ZCCHC7: variants seen among roughly 807,000 people sequenced by gnomAD.
ZCCHC7 encodes zinc finger CCHC-type containing 7.
ZCCHC7 carries 35 observed loss-of-function variants against 52.0 expected under a neutral mutation model. The observed-to-expected ratio is 0.67, with a 90% CI of 0.51 to 0.89. ZCCHC7 has a LOEUF of 0.89. ZCCHC7 is among the 40% of genes least tolerant of loss of function. The pLI is 0.00. For synonymous variants in ZCCHC7, 217 were observed against 221.5 expected, an observed-to-expected ratio of 0.98 and a Z score of 0.18; for missense variants, 574 against 649.1, an observed-to-expected ratio of 0.88 and a Z score of 1.26.
At position 37,306,762 on chromosome 9, in the gene ZCCHC7, C is replaced by CTTTTTTTTTTTTT. The variant is rs869292704; in HGVS notation, c.951+1078_951+1090dup. Among the ~76,000 whole-genome samples, 9 of 52,034 alleles carry CTTTTTTTTTTTTT rather than the reference C, an allele frequency of 1.7e-4. 1 individual carries two copies. The highest frequency in any genetic ancestry group is 6.9e-4 in the East Asian group (1 of 1,458). The allele number at this position is 52,034 out of a possible 152,430, so 34.1% of individuals were successfully genotyped here. ...ACAGGCATGAGCCACTGTACCCGAC[C>CTTTTTTTTTTTTT]TTTTTTTTTTTTTTTTTTTTTTTTT... On this transcript the variant is annotated intron_variant, in intron 5 of 8. Coordinates refer to ENST00000336755, the MANE Select transcript of ZCCHC7 (RefSeq NM_032226.3).
chr9:37,198,760 G>A (rs1823426257), intron 2 of ZCCHC7, among the ~76,000 whole-genome samples: 1 of 152,146 alleles, frequency 6.6e-6, no homozygotes, highest in South Asian at 2.1e-4. Flanking sequence ...AAGAGGTAGA[G>A]GAGGAGATAA....
chr9:37,194,061 A>G (rs1168653094), intron 2 of ZCCHC7, among the ~76,000 whole-genome samples: 2 of 152,234 alleles, frequency 1.3e-5, no homozygotes, highest in African/African-American at 4.8e-5. Context: ...TAACTTGCCT[A>G]TCCCACACAA....
chr9:37,351,157 G>T (rs1287360231), intron 7 of ZCCHC7, among the ~76,000 whole-genome samples: 2 of 152,082 alleles, frequency 1.3e-5, no homozygotes, highest in Non-Finnish European at 2.9e-5. Context: ...CAACCGTGGG[G>T]GTGAGACATA....
At chr9:37,226,506 T>C (rs1825111726) in intron 2 of ZCCHC7, among the ~76,000 whole-genome samples, 1 of 152,188 alleles carries the variant, frequency 6.6e-6, no homozygotes. Context: ...AGGATAGTAT[T>C]GTGAAGATTA....
chr9:37,299,683 G>A (rs1828943554), intron 2 of ZCCHC7, among the ~76,000 whole-genome samples: 1 of 152,204 alleles, frequency 6.6e-6, no homozygotes, highest in African/African-American at 2.4e-5. Flanking sequence ...GAACCTTGGA[G>A]CCATGGCAGG....
At chr9:37,202,885 A>G (rs768398101) in intron 2 of ZCCHC7, among the ~76,000 whole-genome samples, 9 of 152,260 alleles carry the variant, frequency 5.9e-5, no homozygotes, top group Non-Finnish European at 1.3e-4. Context: ...ATTTTTAGGA[A>G]AGTAACTTGT....
intron 2 of ZCCHC7, among the ~76,000 whole-genome samples, chr9:37,151,659 G>T (rs1012178105): frequency 6.6e-6 from 1 of 152,022 alleles, no homozygotes; most frequent in African/African-American, 2.4e-5. Flanking sequence ...ACAAAAATTA[G>T]CCTGACGTGG....
At chr9:37,229,309 G>T (rs1825283379) in intron 2 of ZCCHC7, among the ~76,000 whole-genome samples, 2 of 152,032 alleles carry the variant, frequency 1.3e-5, no homozygotes, top group African/African-American at 4.8e-5. Context: ...AATAAAATGG[G>T]CAACTTTTTA....
intron 2 of ZCCHC7, among the ~76,000 whole-genome samples, chr9:37,248,608 G>A (rs1280557953): frequency 1.3e-5 from 2 of 152,166 alleles, no homozygotes; most frequent in African/African-American, 2.4e-5. Flanking sequence ...GAAAGGCAGT[G>A]AAAAGGCCTG....
chr9:37,173,170 AC>A (rs1821836090), intron 2 of ZCCHC7, among the ~76,000 whole-genome samples: 1 of 152,220 alleles, frequency 6.6e-6, no homozygotes, highest in South Asian at 2.1e-4. Context: ...GTGGGCATGC[AC>A]TAGGGACTTG....
At chr9:37,194,284 A>C (rs1823170354) in intron 2 of ZCCHC7, among the ~76,000 whole-genome samples, 1 of 152,194 alleles carries the variant, frequency 6.6e-6, no homozygotes, top group Non-Finnish European at 1.5e-5. Flanking sequence ...TGGTGATTTA[A>C]GAGATGATAC....
At chr9:37,181,875 G>T (rs1425568231) in intron 2 of ZCCHC7, among the ~76,000 whole-genome samples, 1 of 152,076 alleles carries the variant, frequency 6.6e-6, no homozygotes, top group Non-Finnish European at 1.5e-5. Context: ...ATTTGAGATG[G>T]AGTCTTGCTG....
chr9:37,337,891 C>T (rs1199778206), intron 6 of ZCCHC7, among the ~76,000 whole-genome samples: 1 of 152,098 alleles, frequency 6.6e-6, no homozygotes, highest in African/African-American at 2.4e-5. Context: ...TGCTAACTTA[C>T]TTTAAAATTA....
At chr9:37,212,168 A>C (rs942635251) in intron 2 of ZCCHC7, among the ~76,000 whole-genome samples, 13 of 144,966 alleles carry the variant, frequency 9.0e-5, no homozygotes, top group Non-Finnish European at 1.5e-4. Flanking sequence ...GCAGCTGGGG[A>C]GGCGGAGGAG....
intron 2 of ZCCHC7, among the ~76,000 whole-genome samples, chr9:37,256,744 T>C (rs1163071606): frequency 2.0e-5 from 3 of 152,210 alleles, no homozygotes; most frequent in African/African-American, 7.2e-5. Context: ...TTTCATTTAC[T>C]GTCCAAGAGA....
intron 2 of ZCCHC7, among the ~76,000 whole-genome samples, chr9:37,235,465 CCTTTCCTTCCTTCCTTT>C (rs1472845004): frequency 5.3e-5 from 8 of 150,238 alleles, no homozygotes; most frequent in African/African-American, 9.8e-5. Flanking sequence ...TTCTTTCCTT[CCTTTCCTTCCTTCCTTT>C]CTTTCCTTCC....
chr9:37,142,064 G>C (rs2132776669), intron 2 of ZCCHC7, among the ~76,000 whole-genome samples: 1 of 151,816 alleles, frequency 6.6e-6, no homozygotes, highest in South Asian at 2.1e-4. Flanking sequence ...CTGTTTTACA[G>C]TTGTTTTGTG....
At chr9:37,196,958 T>C (rs1331435731) in intron 2 of ZCCHC7, among the ~76,000 whole-genome samples, 1 of 152,190 alleles carries the variant, frequency 6.6e-6, no homozygotes, top group East Asian at 1.9e-4. Context: ...TTTTAGTCAT[T>C]ATTAAAATTA....
chr9:37,166,023 G>A (rs192492452), intron 2 of ZCCHC7, among the ~76,000 whole-genome samples: 1 of 152,324 alleles, frequency 6.6e-6, no homozygotes, highest in East Asian at 1.9e-4. Context: ...TGGTTCATGT[G>A]TTTGGAGGAC....
Sources: gnomAD v4.1 joint callset for allele counts (sites outside exome capture counted in the v4.1 genomes callset) on GRCh38, gnomAD v4.1.1 for gene constraint, MANE v1.5 for transcripts, NCBI Gene and HGNC (gene_info 2026-07-23, HGNC 2026-07-21) for gene names.